Variants in CEACAM19 observed in about 807,000 individuals in gnomAD.
The protein encoded by CEACAM19 is cell adhesion molecule CEACAM19.
Under a neutral mutation model 37.6 loss-of-function variants are expected in CEACAM19, and 37 were observed. The ratio of observed to expected loss-of-function variants is 0.98; its 90% CI spans 0.76 to 1.29. CEACAM19 has a LOEUF of 1.29. CEACAM19 is among the 50% of genes most tolerant of loss of function. CEACAM19 has a pLI of 0.00. For missense variants in CEACAM19, 340 were observed against 375.6 expected (o/e 0.91, Z 0.78); for synonymous variants, 140 against 149.8 (o/e 0.93, Z 0.48).
intron 2 of CEACAM19, among the ~76,000 whole-genome samples, chr19:44,674,654 C>T (rs1025942950): frequency 1.3e-5 from 2 of 152,080 alleles, no homozygotes; most frequent in Admixed American, 6.6e-5. Context: ...CCACCCACCT[C>T]GGCCTCCCAA....
At chr19:44,669,568 C>A (rs1050953415), upstream of CEACAM19, among the ~76,000 whole-genome samples, 1 of 152,096 alleles carries the variant, frequency 6.6e-6, no homozygotes, top group Non-Finnish European at 1.5e-5. Context: ...CACACACAGG[C>A]CCCACACCCT....
chr19:44,683,188 C>G (rs1477502174), intron 7 of CEACAM19: 1 of 416,756 alleles, frequency 2.4e-6, no homozygotes, highest in Non-Finnish European at 4.3e-6. Flanking sequence ...TTCTCTGCAT[C>G]TCTGTCTCTC....
At chr19:44,668,413 T>A (rs1388690409), upstream of CEACAM19, among the ~76,000 whole-genome samples, 7 of 56,980 alleles carry the variant, frequency 1.2e-4, no homozygotes, top group African/African-American at 6.3e-4. Context: ...GTTTATATAT[T>A]ATATATATAA....
upstream of CEACAM19, among the ~76,000 whole-genome samples, chr19:44,668,700 T>TTATATTA (rs1196014578): frequency 0.046 from 3,730 of 81,746 alleles, 548 homozygotes; most frequent in African/African-American, 0.21. Context: ...ATATTATATA[T>TTATATTA]TATATTATAT....
intron 2 of CEACAM19, among the ~76,000 whole-genome samples, chr19:44,674,732 C>G (rs1306702105): frequency 1.3e-5 from 2 of 152,114 alleles, no homozygotes; most frequent in African/African-American, 4.8e-5. Context: ...GAGTTTTGGA[C>G]AGTGAATAGA....
intron 2 of CEACAM19, among the ~76,000 whole-genome samples, chr19:44,675,716 T>G (rs937012623): frequency 4.0e-5 from 6 of 151,348 alleles, no homozygotes; most frequent in Non-Finnish European, 7.4e-5. Flanking sequence ...AGCCGAGGAG[T>G]TGGAGGCTGC....
At chr19:44,681,139 A>ATAAAT (rs1336530069) in intron 5 of CEACAM19, 88 bp from the exon 6 acceptor site, 7 of 888,636 alleles carry the variant, frequency 7.9e-6, no homozygotes, top group African/African-American at 1.7e-5. Context: ...TGTTAGTTGA[A>ATAAAT]TAAATAAATA....
upstream of CEACAM19, among the ~76,000 whole-genome samples, chr19:44,668,323 TATATA>T (rs1452835920): frequency 1.5e-5 from 1 of 67,374 alleles, no homozygotes; most frequent in East Asian, 4.4e-4. Context: ...TTATTATATT[TATATA>T]ATATGTTTAT....
At chr19:44,682,671 G>C (rs1455089923) in intron 7 of CEACAM19, 51 bp downstream of exon 7, 2 of 1,536,022 alleles carry the variant, frequency 1.3e-6, no homozygotes, top group African/African-American at 1.4e-5. Context: ...GGATCCAGGA[G>C]CCCCGAAGCC....
Position 44,671,953 on chromosome 19 carries a change from C to G in CEACAM19, c.22C>G (p.Gln8Glu). MEIPMGTQGCFSKSLLLS... is the reference protein window; with the variant it reads MEIPMGTEGCFSKSLLLS... ...CAAGATGGAGATTCCCATGGGGACC[C>G]AGGGCTGCTTCTCAAAGAGCCTCCT... Residue 8 changes from glutamine (Q) to glutamate (E), a missense_variant, in exon 1 of 8, where the codon CAG becomes GAG. By Grantham distance (29) the Gln-to-Glu change is conservative. Coordinates refer to ENST00000358777, the MANE Select transcript of CEACAM19 (RefSeq NM_001127893.3). The G allele has an allele frequency of 6.2e-7, 1 of 1,606,818 alleles. No individual in the cohort carries two copies. Among genetic ancestry groups the G allele is most frequent in the Non-Finnish European group, 8.5e-7 (1 of 1,176,940 alleles).
intron 4 of CEACAM19, among the ~76,000 whole-genome samples, chr19:44,679,728 G>T (rs181035511): frequency 6.9e-6 from 1 of 145,008 alleles, no homozygotes; most frequent in East Asian, 2.1e-4. Flanking sequence ...CAGCCTGGGC[G>T]ACAGAGCGAG....
At chr19:44,681,141 A>G in intron 5 of CEACAM19, 86 bp from the exon 6 acceptor site, 1 of 902,314 alleles carries the variant, frequency 1.1e-6, no homozygotes, top group Non-Finnish European at 1.8e-6. Context: ...TTAGTTGAAT[A>G]AATAAATAAA....
intron 3 of CEACAM19, chr19:44,678,501 CAG>C (rs1304378608): frequency 1.1e-5 from 2 of 176,858 alleles, no homozygotes; most frequent in African/African-American, 4.8e-5. Context: ...ACTTCCGCCT[CAG>C]GGGTTCAAGC....
chr19:44,676,476 C>G (rs938066644), intron 3 of CEACAM19, 55 bp downstream of exon 3: 1 of 1,562,718 alleles, frequency 6.4e-7, no homozygotes, highest in Non-Finnish European at 8.8e-7. Context: ...TTCTCAAGCC[C>G]CATGGATTCT....
At chr19:44,680,410 G>T in intron 5 of CEACAM19, 76 bp downstream of exon 5, 1 of 1,346,110 alleles carries the variant, frequency 7.4e-7, no homozygotes. Context: ...CCACAAGCCC[G>T]CTTATTCTCC....
chr19:44,676,062 G>A (rs372887986), intron 2 of CEACAM19, among the ~76,000 whole-genome samples: 3 of 151,986 alleles, frequency 2.0e-5, no homozygotes, highest in Non-Finnish European at 4.4e-5. Flanking sequence ...TGAGCACCAC[G>A]CCCAGCCCGC....
chr19:44,683,898 T>G lies in CEACAM19; in HGVS notation c.*408T>G. 1 of 168,404 alleles carries G rather than the reference T, an allele frequency of 5.9e-6. No individual in the cohort carries two copies. Among genetic ancestry groups the G allele is most frequent in the Non-Finnish European group, 1.3e-5 (1 of 78,980 alleles). The allele number at this position is 168,404 out of a possible 1,614,324, so 10.4% of individuals were successfully genotyped here. On this transcript the variant is annotated 3_prime_UTR_variant, in exon 8 of 8. Transcript: ENST00000358777. The stretch of plus-strand genomic sequence containing the variant: ...CCTCAATGCCCTACCCCAACTCCAC[T>G]AGTGACCCTCAGAGTCTTCTCCCCT...
chr19:44,672,400 T>C, intron 1 of CEACAM19, 196 bp from the exon 2 acceptor site: 1 of 545,414 alleles, frequency 1.8e-6, no homozygotes, highest in Non-Finnish European at 3.0e-6. Context: ...ATCAACAGGA[T>C]GGCAAATCTG....
At chr19:44,680,652 C>T (rs113916982) in intron 5 of CEACAM19, among the ~76,000 whole-genome samples, 20 of 152,176 alleles carry the variant, frequency 1.3e-4, no homozygotes, top group African/African-American at 4.1e-4. Flanking sequence ...AGCCTCCAGA[C>T]CCCTCCAACC....
Sources: gnomAD v4.1 joint callset for allele counts (sites outside exome capture counted in the v4.1 genomes callset) on GRCh38, gnomAD v4.1.1 for gene constraint, MANE v1.5 for transcripts, NCBI Gene and HGNC (gene_info 2026-07-23, HGNC 2026-07-21) for gene names.